Variants in RIMS2 observed in about 807,000 individuals in gnomAD.
The protein encoded by RIMS2 is regulating synaptic membrane exocytosis protein 2.
In RIMS2, 59 loss-of-function variants were observed where a neutral mutation model predicts 174.4. The ratio of observed to expected loss-of-function variants is 0.34; its 90% CI spans 0.27 to 0.42. The LOEUF (loss-of-function observed/expected upper bound fraction) is 0.42. Among genes scored for constraint, RIMS2 ranks in the 10% least tolerant of loss-of-function variants. RIMS2 has a pLI of 1.00. For missense variants in RIMS2, 1,620 were observed against 1,666.3 expected, an observed-to-expected ratio of 0.97 and a Z score of 0.48; for synonymous variants, 606 against 572.5, an observed-to-expected ratio of 1.06 and a Z score of -0.84.
chr8:103,897,278 T>G (rs2099289978), intron 4 of RIMS2, among the ~76,000 whole-genome samples: 1 of 151,678 alleles, frequency 6.6e-6, no homozygotes, highest in African/African-American at 2.4e-5. Flanking sequence ...TTCATTGCTT[T>G]CTTTCAGGGC....
chr8:104,138,050 C>T (rs993741881), intron 19 of RIMS2, among the ~76,000 whole-genome samples: 3 of 152,142 alleles, frequency 2.0e-5, no homozygotes, highest in Admixed American at 6.6e-5. Flanking sequence ...CAAAGTTTGT[C>T]TTTCTGTGGC....
chr8:103,829,298 A>G (rs2098811232), intron 3 of RIMS2, among the ~76,000 whole-genome samples: 2 of 152,204 alleles, frequency 1.3e-5, no homozygotes, highest in South Asian at 4.1e-4. Flanking sequence ...TGTTGGGAAC[A>G]TAAATTTGTT....
At chr8:103,774,806 T>C (rs909436106) in intron 3 of RIMS2, among the ~76,000 whole-genome samples, 2 of 152,162 alleles carry the variant, frequency 1.3e-5, no homozygotes, top group African/African-American at 4.8e-5. Flanking sequence ...TGTATCTTCA[T>C]AGGGGTATGG....
At chr8:103,504,846 C>CT (rs11367763) in intron 1 of RIMS2, among the ~76,000 whole-genome samples, 256 of 95,052 alleles carry the variant, frequency 2.7e-3, no homozygotes, top group East Asian at 3.5e-3. Context: ...TTCTTTCTTT[C>CT]TTTTTTTTTT....
intron 3 of RIMS2, among the ~76,000 whole-genome samples, chr8:103,884,916 G>A (rs1404197440): frequency 6.6e-6 from 1 of 151,828 alleles, no homozygotes; most frequent in Non-Finnish European, 1.5e-5. Context: ...ATATCAGCAT[G>A]TTAGGTATAG....
intron 1 of RIMS2, among the ~76,000 whole-genome samples, chr8:103,556,912 T>C (rs1297429882): frequency 6.6e-6 from 1 of 152,164 alleles, no homozygotes; most frequent in East Asian, 1.9e-4. Context: ...TATTAGCTTC[T>C]ATGGATCATG....
chr8:103,813,282 T>G (rs1189518638), intron 3 of RIMS2, among the ~76,000 whole-genome samples: 1 of 152,226 alleles, frequency 6.6e-6, no homozygotes, highest in East Asian at 1.9e-4. Flanking sequence ...TTTCCAATTT[T>G]GATTCTTTCA....
At chr8:103,541,483 G>A (rs1049511793) in intron 1 of RIMS2, among the ~76,000 whole-genome samples, 2 of 152,190 alleles carry the variant, frequency 1.3e-5, no homozygotes, top group East Asian at 3.8e-4. Flanking sequence ...GAAATGCTGA[G>A]GAGAGTTCTT....
At position 104,126,213 on chromosome 8, in the gene RIMS2, A is replaced by G. The variant is rs1370812632; in HGVS notation, c.3334+111598A>G. Among the ~76,000 whole-genome samples, 3 of 152,330 alleles carry G rather than the reference A, an allele frequency of 2.0e-5. No individual in the cohort carries two copies. The South Asian group carries it at 6.2e-4, about 32-fold the overall frequency. ...ATAAAAGTTTGGAAGCTGAGAGACT[A>G]TTGTCAAAATGCAAAATAAAAGGTT... On this transcript the variant is annotated intron_variant, in intron 19 of 23. Transcript: ENST00000504942.
exon 3 of RIMS2, chr8:103,766,280 A>G: frequency 6.2e-7 from 1 of 1,613,656 alleles, no homozygotes; most frequent in South Asian, 1.1e-5. Flanking sequence ...TCACTAAATC[A>G]GGAGCATGGT....
rs1035513133 is a variant in RIMS2, at chr8:103,521,495, T to A, written c.176+20433T>A. 5.3e-5 allele frequency among the ~76,000 whole-genome samples: 8 copies of A among 152,182 alleles called. No individual in the cohort carries two copies. The East Asian group carries it at 1.5e-3, about 29-fold the overall frequency. ...TACTTAATAGGATATCATAAATATT[T>A]CTTCCATGAATAGATTTTCTCAGCC... On this transcript the variant is annotated intron_variant, in intron 1 of 23. Transcript: ENST00000504942.
intron 3 of RIMS2, among the ~76,000 whole-genome samples, chr8:103,767,203 T>C (rs2098184027): frequency 1.3e-5 from 2 of 151,866 alleles, no homozygotes; most frequent in African/African-American, 4.8e-5. Flanking sequence ...TTTTTTTTTT[T>C]TTTGAGATGG....
intron 1 of RIMS2, among the ~76,000 whole-genome samples, chr8:103,551,176 T>C (rs1418556267): frequency 6.6e-6 from 1 of 152,194 alleles, no homozygotes; most frequent in African/African-American, 2.4e-5. Context: ...ATATCCCTCA[T>C]GAACATCGAT....
chr8:104,244,867 C>T, intron 19 of RIMS2, 49 bp from the exon 26 acceptor site: 1 of 1,511,000 alleles, frequency 6.6e-7, no homozygotes, highest in Non-Finnish European at 9.2e-7. Flanking sequence ...ATATTTCTTA[C>T]CACATAGTGA....
chr8:103,566,331 T>A (rs1310604361), intron 1 of RIMS2, among the ~76,000 whole-genome samples: 1 of 152,126 alleles, frequency 6.6e-6, no homozygotes, highest in East Asian at 1.9e-4. Context: ...GACCACCCCA[T>A]ATTCCTGTCT....
intron 3 of RIMS2, among the ~76,000 whole-genome samples, chr8:103,832,260 T>C (rs532514243): frequency 6.6e-6 from 1 of 152,326 alleles, no homozygotes; most frequent in African/African-American, 2.4e-5. Context: ...TTTAGTTCAT[T>C]AACATTTAAT....
At chr8:103,974,186 T>C (rs551940604) in intron 15 of RIMS2, among the ~76,000 whole-genome samples, 1 of 152,216 alleles carries the variant, frequency 6.6e-6, no homozygotes, top group African/African-American at 2.4e-5. Context: ...CACTTATTCA[T>C]GTACAGGTGA....
chr8:103,920,449 A>T (rs1595157838), intron 9 of RIMS2, among the ~76,000 whole-genome samples: 2 of 152,178 alleles, frequency 1.3e-5, no homozygotes, highest in African/African-American at 4.8e-5. Context: ...GAAAGCTTTC[A>T]TTCTTTCTAC....
intron 14 of RIMS2, among the ~76,000 whole-genome samples, chr8:103,956,913 C>G (rs147670320): frequency 6.6e-6 from 1 of 152,094 alleles, no homozygotes; most frequent in Non-Finnish European, 1.5e-5. Context: ...AAGAAAAAAA[C>G]AAACAAATGC....
Sources: gnomAD v4.1 joint callset for allele counts (sites outside exome capture counted in the v4.1 genomes callset) on GRCh38, gnomAD v4.1.1 for gene constraint, MANE v1.5 for transcripts, NCBI Gene and HGNC (gene_info 2026-07-23, HGNC 2026-07-21) for gene names.